The following ATRNL1 variants were observed in gnomAD, a reference collection of about 807,000 sequenced individuals.
The protein encoded by ATRNL1 is attractin-like protein 1.
ATRNL1 carries 95 observed loss-of-function variants against 182.7 expected under a neutral mutation model. That is an observed-to-expected ratio of 0.52 (90% CI 0.44 to 0.62). The LOEUF (loss-of-function observed/expected upper bound fraction) is 0.62, where lower values mean the gene tolerates loss of function less well. Among genes scored for constraint, ATRNL1 ranks in the 20% least tolerant of loss-of-function variants. The pLI, the probability that ATRNL1 is intolerant of heterozygous loss-of-function variation, is 0.00. For synonymous variants in ATRNL1, 576 were observed against 568.3 expected (o/e 1.01, Z -0.19); for missense variants, 1,471 against 1,679.5 (o/e 0.88, Z 2.17).
At chr10:115,824,891 T>C (rs574002811) in intron 27 of ATRNL1, among the ~76,000 whole-genome samples, 7 of 152,254 alleles carry the variant, frequency 4.6e-5, no homozygotes, top group African/African-American at 1.7e-4. Flanking sequence ...CATTACTGGG[T>C]ATATTCCCAA....
chr10:115,729,592 A>T (rs1360036935), intron 27 of ATRNL1, among the ~76,000 whole-genome samples: 1 of 146,736 alleles, frequency 6.8e-6, no homozygotes, highest in Non-Finnish European at 1.5e-5. Context: ...CCATAAACTG[A>T]TTTTCATCTA....
At chr10:115,756,284 T>G (rs1315178939) in intron 27 of ATRNL1, among the ~76,000 whole-genome samples, 6 of 152,214 alleles carry the variant, frequency 3.9e-5, no homozygotes, top group African/African-American at 1.4e-4. Flanking sequence ...CTTTCCTGCT[T>G]TCTCTTGTGG....
chr10:115,923,076 CTT>C (rs1229879337), intron 28 of ATRNL1, among the ~76,000 whole-genome samples: 3 of 152,118 alleles, frequency 2.0e-5, no homozygotes, highest in Admixed American at 2.0e-4. Context: ...TCTGTAGTCT[CTT>C]ACAGTATTTT....
At chr10:115,181,728 A>T (rs1847753650) in intron 8 of ATRNL1, among the ~76,000 whole-genome samples, 2 of 151,774 alleles carry the variant, frequency 1.3e-5, no homozygotes, top group Admixed American at 6.6e-5. Flanking sequence ...AAAAACTGTC[A>T]TCCTTTAGTT....
chr10:115,665,598 C>A (rs1555039452), intron 26 of ATRNL1, among the ~76,000 whole-genome samples: 1 of 152,074 alleles, frequency 6.6e-6, no homozygotes, highest in African/African-American at 2.4e-5. Context: ...AAATGGACAC[C>A]AATTTAAATC....
chr10:115,192,939 T>C (rs1848224437), intron 8 of ATRNL1, among the ~76,000 whole-genome samples: 1 of 152,088 alleles, frequency 6.6e-6, no homozygotes, highest in Non-Finnish European at 1.5e-5. Context: ...GCAACATTAC[T>C]GGATATGTTT....
intron 8 of ATRNL1, among the ~76,000 whole-genome samples, chr10:115,183,978 T>A (rs2144179567): frequency 6.6e-6 from 1 of 151,700 alleles, no homozygotes; most frequent in East Asian, 1.9e-4. Flanking sequence ...TGAGTTTTAT[T>A]AATATATTTT....
chr10:115,244,450 A>C (rs76559664), intron 10 of ATRNL1, among the ~76,000 whole-genome samples: 1,788 of 152,250 alleles, frequency 0.012, 34 homozygotes, highest in African/African-American at 0.04. Context: ...TTGGAAAAAA[A>C]AAATAACTTA....
chr10:115,579,164 G>C (rs1854912680), intron 26 of ATRNL1, among the ~76,000 whole-genome samples: 1 of 151,736 alleles, frequency 6.6e-6, no homozygotes, highest in Non-Finnish European at 1.5e-5. Context: ...TAAGAGGAAT[G>C]TGTATTCTAT....
chr10:115,172,609 T>C (rs1299720241), intron 8 of ATRNL1, among the ~76,000 whole-genome samples: 2 of 151,908 alleles, frequency 1.3e-5, no homozygotes, highest in African/African-American at 4.8e-5. Context: ...ATGAAATATC[T>C]TACTTTTCAA....
intron 28 of ATRNL1, among the ~76,000 whole-genome samples, chr10:115,868,979 G>C (rs1047143644): frequency 1.3e-5 from 2 of 151,666 alleles, no homozygotes; most frequent in African/African-American, 4.8e-5. Flanking sequence ...ACAGGCGCCC[G>C]CCACCACGCC....
At chr10:115,466,309 A>G (rs2134550664) in intron 22 of ATRNL1, among the ~76,000 whole-genome samples, 1 of 151,530 alleles carries the variant, frequency 6.6e-6, no homozygotes, top group South Asian at 2.1e-4. Context: ...CCGTTTCACT[A>G]GCTAGATCTT....
At chr10:115,120,304 A>G in intron 2 of ATRNL1, 36 bp downstream of exon 2, 1 of 1,088,088 alleles carries the variant, frequency 9.2e-7, no homozygotes, top group East Asian at 2.5e-5. Context: ...AATGTATTTT[A>G]TTCTTAAATG....
At chr10:115,537,551 T>G (rs928712098) in intron 25 of ATRNL1, among the ~76,000 whole-genome samples, 2 of 152,216 alleles carry the variant, frequency 1.3e-5, no homozygotes, top group Admixed American at 6.5e-5. Flanking sequence ...AAACATAAAT[T>G]ATTAACTCCA....
At chr10:115,748,148 TA>T (rs1453482727) in intron 27 of ATRNL1, among the ~76,000 whole-genome samples, 2 of 151,978 alleles carry the variant, frequency 1.3e-5, no homozygotes, top group African/African-American at 4.8e-5. Context: ...GTGAAGCCTG[TA>T]AGTCATGTAG....
chr10:115,363,306 T>G (rs1399579666), intron 19 of ATRNL1, among the ~76,000 whole-genome samples: 2 of 152,098 alleles, frequency 1.3e-5, no homozygotes, highest in South Asian at 2.1e-4. Flanking sequence ...TTTGGCTGCA[T>G]AAATGTCTTC....
intron 28 of ATRNL1, among the ~76,000 whole-genome samples, chr10:115,913,832 C>T (rs1321416154): frequency 2.0e-5 from 3 of 152,132 alleles, no homozygotes; most frequent in Admixed American, 2.0e-4. Flanking sequence ...CTGGGGACAT[C>T]TCAACCTACC....
Position 115,778,893 on chromosome 10 carries a change from G to A in ATRNL1, c.3903+51538G>A, listed in dbSNP as rs891267497. ...AAGGAGCTATTTCAGAGGATAAAGG[G>A]ATATAACCTTGCAACCAATTCAGTA... On this transcript the variant is annotated intron_variant, in intron 27 of 28. Transcript: ENST00000355044. Among the ~76,000 whole-genome samples, 5 of 152,260 alleles carry A rather than the reference G, an allele frequency of 3.3e-5. 1 individual carries two copies. The South Asian group carries it at 1.0e-3, about 32-fold the overall frequency.
Position 115,852,834 on chromosome 10 carries a change from A to G in ATRNL1, c.4018+4843A>G, listed in dbSNP as rs554117334. 2.0e-5 allele frequency among the ~76,000 whole-genome samples: 3 copies of G among 152,326 alleles called. No individual in the cohort carries two copies. In the East Asian group the frequency reaches 5.8e-4, roughly 29 times the overall value. ...TGCCGGTGACTTCAGAAATTTGGTAAAATGCAAATCTGTGCATGCCGTGGC... is the reference window on the plus strand; with the variant it reads ...TGCCGGTGACTTCAGAAATTTGGTAGAATGCAAATCTGTGCATGCCGTGGC... On this transcript the variant is annotated intron_variant, in intron 28 of 28. Coordinates refer to ENST00000355044, the MANE Select transcript of ATRNL1 (RefSeq NM_207303.4).
Sources: allele counts gnomAD v4.1 joint callset (sites outside exome capture counted in the v4.1 genomes callset), GRCh38; gene constraint gnomAD v4.1.1; transcripts MANE v1.5; gene names NCBI Gene and HGNC (gene_info 2026-07-23, HGNC 2026-07-21).